The following CDIN1 variants were observed in gnomAD, a reference collection of about 807,000 sequenced individuals.
CDIN1 encodes the protein CDAN1 interacting nuclease 1, also known as CDAN1-interacting nuclease 1.
A neutral mutation model predicts 45.3 loss-of-function variants in CDIN1; 33 were observed. The ratio of observed to expected loss-of-function variants is 0.73; its 90% confidence interval spans 0.55 to 0.97. The LOEUF (loss-of-function observed/expected upper bound fraction) is 0.97. Among genes scored for constraint, CDIN1 ranks in the 50% least tolerant of loss-of-function variants. The probability of loss-of-function intolerance (pLI) is 0.00; values close to 1 mark genes in which losing one functional copy is unlikely to be tolerated. For missense variants in CDIN1, 303 were observed against 339.4 expected (o/e 0.89, Z 0.84); for synonymous variants, 118 against 124.4 (o/e 0.95, Z 0.34).
In CDIN1 at chr15:36,765,057, C is replaced by CTTTTTTTTT. The variant is rs377685100; in HGVS notation, c.717-43264_717-43263insTTTTTTTTT. 6.4e-5 allele frequency among the ~76,000 whole-genome samples: 9 copies of CTTTTTTTTT among 139,644 alleles called. 2 individuals carry two copies. Among genetic ancestry groups the CTTTTTTTTT allele is most frequent in the Non-Finnish European group, 9.2e-5 (6 of 65,122 alleles). 91.6% of individuals were successfully genotyped at this position (139,644 alleles called of 152,430 possible). A position where few individuals can be genotyped will look rare whatever the true frequency, so the allele number is the denominator to read the frequency against. On this transcript the variant is annotated intron_variant, in intron 10 of 10. Transcript: ENST00000566621. ...ATTTTCTTTTCTTTTATTTTTCTTT[C>CTTTTTTTTT]TTTCTTTTTTTTTTTTTAGATGGAG...
chr15:36,670,676 A>G (rs1477283031), intron 5 of CDIN1, among the ~76,000 whole-genome samples: 2 of 152,112 alleles, frequency 1.3e-5, no homozygotes, highest in Middle Eastern at 3.2e-3. Context: ...CAAGGTATGG[A>G]TGGTAAGAAT....
At chr15:36,798,467 T>C (rs2054895221) in intron 10 of CDIN1, 1 of 152,192 alleles carries the variant, frequency 6.6e-6, no homozygotes, top group Admixed American at 6.5e-5. Flanking sequence ...AAGAGAAAAA[T>C]TTAACTGCCC....
intron 1 of CDIN1, among the ~76,000 whole-genome samples, chr15:36,620,864 C>A (rs952090588): frequency 2.6e-5 from 4 of 151,940 alleles, no homozygotes; most frequent in Non-Finnish European, 4.4e-5. Flanking sequence ...CCTCTTCTTC[C>A]CCCACACCCA....
intron 10 of CDIN1, among the ~76,000 whole-genome samples, chr15:36,789,432 A>G (rs2091954609): frequency 4.6e-5 from 7 of 152,208 alleles, no homozygotes; most frequent in Admixed American, 3.9e-4. Flanking sequence ...GTCAATATAT[A>G]TACTCTAAAT....
rs933978568 is a variant in CDIN1 at position 36,654,158 on chromosome 15, G to A, written c.273G>A (p.Glu91=). 1.9e-5 allele frequency: 30 copies of A among 1,566,364 alleles called. No homozygotes were observed. The highest frequency in any genetic ancestry group is 2.4e-5 in the Non-Finnish European group (28 of 1,153,302). ...CAGTGCTCCTGGACCTGGCCAATGA[G>A]GTAATGTTATTGTTATGATTTTATT... The part of the protein sequence containing the change: ...AAPVLLDLAN[E]VDYAPSLMAR... Residue 91 remains glutamate, a splice_region_variant and synonymous_variant, in exon 4 of 11, where the codon GAG becomes GAA. Transcript: ENST00000566621.
Position 36,735,615 on chromosome 15 carries a change from T to C in CDIN1, c.716+25654T>C, listed in dbSNP as rs140034843. Among the ~76,000 whole-genome samples, 1,392 of 152,252 alleles carry C rather than the reference T, an allele frequency of 9.1e-3. 19 individuals carry two copies. Among genetic ancestry groups the C allele is most frequent in the African/African-American group, 0.032 (1,342 of 41,572 alleles). ...AATTTAAAAACTGTATATAGTCTTA[T>C]TGCACTTTTAAAATTTAAAGTTGAT... On this transcript the variant is annotated intron_variant, in intron 10 of 10. Coordinates refer to ENST00000566621, the MANE Select transcript of CDIN1 (RefSeq NM_001321759.2).
chr15:36,741,093 C>T (rs942998975), intron 10 of CDIN1, among the ~76,000 whole-genome samples: 12 of 152,154 alleles, frequency 7.9e-5, no homozygotes, highest in Non-Finnish European at 1.6e-4. Flanking sequence ...TGGACCACCA[C>T]ACCCAGCTTT....
chr15:36,710,683 T>C (rs906421669), intron 10 of CDIN1, among the ~76,000 whole-genome samples: 1 of 152,176 alleles, frequency 6.6e-6, no homozygotes, highest in Admixed American at 6.5e-5. Flanking sequence ...TTTCTATTAT[T>C]GCAGTCCCGT....
At chr15:36,692,559 C>T (rs1254569444) in intron 7 of CDIN1, among the ~76,000 whole-genome samples, 15 of 151,982 alleles carry the variant, frequency 9.9e-5, no homozygotes, top group Admixed American at 3.3e-4. Context: ...GTTGAATTTA[C>T]GAGAATAAAT....
intron 10 of CDIN1, among the ~76,000 whole-genome samples, chr15:36,725,809 A>G (rs528619727): frequency 2.0e-5 from 3 of 152,280 alleles, no homozygotes; most frequent in East Asian, 3.9e-4. Flanking sequence ...AATGTGTACT[A>G]TTAATGAATT....
intron 1 of CDIN1, among the ~76,000 whole-genome samples, chr15:36,582,753 T>C (rs1158327589): frequency 2.8e-4 from 42 of 152,178 alleles, no homozygotes; most frequent in Admixed American, 2.6e-3. Flanking sequence ...TACTGACAAA[T>C]TTAAAAAAAT....
chr15:36,702,432 G>A (rs1480363413), intron 8 of CDIN1, among the ~76,000 whole-genome samples: 6 of 151,996 alleles, frequency 3.9e-5, no homozygotes, highest in East Asian at 3.9e-4. Context: ...TTTTCTTATC[G>A]GCTGAATTTG....
intron 1 of CDIN1, among the ~76,000 whole-genome samples, chr15:36,606,532 T>G (rs192191995): frequency 2.0e-5 from 3 of 152,288 alleles, no homozygotes; most frequent in Non-Finnish European, 4.4e-5. Context: ...CTGCAGCACT[T>G]AAATGAAATT....
intron 1 of CDIN1, chr15:36,617,576 TA>T (rs1158733165): frequency 2.5e-6 from 2 of 787,324 alleles, no homozygotes; most frequent in African/African-American, 3.4e-5. Context: ...ATGGAAGAAA[TA>T]AAAAAGTTGA....
At chr15:36,617,493 T>C in intron 1 of CDIN1, 1 of 894,442 alleles carries the variant, frequency 1.1e-6, no homozygotes, top group Non-Finnish European at 1.9e-6. Flanking sequence ...CACGAGAAAA[T>C]TTGTCAAAGA....
At chr15:36,590,665 T>C (rs2037529943) in intron 1 of CDIN1, among the ~76,000 whole-genome samples, 1 of 152,220 alleles carries the variant, frequency 6.6e-6, no homozygotes, top group African/African-American at 2.4e-5. Flanking sequence ...TTTCAGTCAC[T>C]GTTAGTTAAG....
At chr15:36,777,659 C>A (rs1595586825) in intron 10 of CDIN1, among the ~76,000 whole-genome samples, 1 of 152,162 alleles carries the variant, frequency 6.6e-6, no homozygotes, top group African/African-American at 2.4e-5. Flanking sequence ...CACTCTTTCA[C>A]TAGGGCAGTG....
chr15:36,774,065 T>C (rs1373678786), intron 10 of CDIN1, among the ~76,000 whole-genome samples: 1 of 152,004 alleles, frequency 6.6e-6, no homozygotes, highest in African/African-American at 2.4e-5. Flanking sequence ...AGAAGAGTCT[T>C]CTCAGGGACC....
intron 10 of CDIN1, among the ~76,000 whole-genome samples, chr15:36,778,485 GT>G (rs1754968272): frequency 6.6e-6 from 1 of 152,056 alleles, no homozygotes; most frequent in South Asian, 2.1e-4. Context: ...CTCTGCAATT[GT>G]TTTACATCTC....
Sources: allele counts gnomAD v4.1 joint callset (sites outside exome capture counted in the v4.1 genomes callset), GRCh38; gene constraint gnomAD v4.1.1; transcripts MANE v1.5; gene names NCBI Gene and HGNC (gene_info 2026-07-23, HGNC 2026-07-21).